PLEKHA3: variants seen among roughly 807,000 people sequenced by gnomAD.
PLEKHA3 encodes the protein pleckstrin homology domain containing A3.
In PLEKHA3, 19 loss-of-function variants were observed where a neutral mutation model predicts 39.2. That is an observed-to-expected ratio of 0.48 (90% CI 0.34 to 0.71). PLEKHA3 has a LOEUF of 0.71. Ranked by LOEUF, PLEKHA3 falls within the 30% of genes least tolerant of loss-of-function variation. PLEKHA3 has a pLI of 0.01. For missense variants in PLEKHA3, 253 were observed against 359.5 expected (o/e 0.70, Z 2.40); for synonymous variants, 97 against 118.6 (o/e 0.82, Z 1.18).
chr2:178,485,498 G>T (rs375549538), intron 1 of PLEKHA3, 143 bp from the exon 2 acceptor site: 97 of 656,638 alleles, frequency 1.5e-4, no homozygotes, highest in East Asian at 8.4e-4. Context: ...TTTTGGTAAG[G>T]CTTGGTGATT....
chr2:178,485,104 G>GAATA (rs1685228165), intron 1 of PLEKHA3, among the ~76,000 whole-genome samples: 1 of 152,218 alleles, frequency 6.6e-6, no homozygotes, highest in Non-Finnish European at 1.5e-5. Flanking sequence ...GCACATTGCA[G>GAATA]AATTAGAGGG....
Position 178,506,738 on chromosome 2 carries a change from G to A in PLEKHA3, c.*2851G>A, listed in dbSNP as rs1489334355. On this transcript the variant is annotated 3_prime_UTR_variant, in exon 8 of 8. Coordinates refer to ENST00000234453, the MANE Select transcript of PLEKHA3 (RefSeq NM_019091.4). ...AGGCACCTCTAGGTCTGTACTTTGAGCCTTGATCTGGGTACTTGGTACAGA... is the reference window on the plus strand; with the variant it reads ...AGGCACCTCTAGGTCTGTACTTTGAACCTTGATCTGGGTACTTGGTACAGA... The A allele has an allele frequency of 6.6e-6, 1 of 152,178 alleles. No homozygotes were observed. Among genetic ancestry groups the A allele is most frequent in the Non-Finnish European group, 1.5e-5 (1 of 68,032 alleles). The allele number at this position is 152,178 out of a possible 1,614,324, so 9.4% of individuals were successfully genotyped here.
intron 3 of PLEKHA3, among the ~76,000 whole-genome samples, chr2:178,492,240 A>G (rs1685359073): frequency 6.6e-6 from 1 of 152,194 alleles, no homozygotes; most frequent in African/African-American, 2.4e-5. Context: ...TGAATTTATA[A>G]CAATTTTGAA....
At chr2:178,491,315 C>T (rs1243386294) in intron 3 of PLEKHA3, among the ~76,000 whole-genome samples, 3 of 152,120 alleles carry the variant, frequency 2.0e-5, no homozygotes, top group Non-Finnish European at 4.4e-5. Flanking sequence ...CCAGCCTAAA[C>T]TCGTGCTTTC....
At position 178,509,668 on chromosome 2, in the gene PLEKHA3, AG is replaced by A. The variant is rs1489870392; in HGVS notation, c.*5784del. 3 of 151,924 alleles carry A rather than the reference AG, an allele frequency of 2.0e-5. No individual in the cohort carries two copies. The highest frequency in any genetic ancestry group is 6.6e-5 in the Admixed American group (1 of 15,226). 9.4% of individuals were successfully genotyped at this position (151,924 alleles called of 1,614,324 possible). A position where few individuals can be genotyped will look rare whatever the true frequency, so the allele number is the denominator to read the frequency against. ...AATTTTTGTATTTTTTTGTAGCAGC[AG>A]GGTTTTGCCATGCTGTTCAGACTGA... On this transcript the variant is annotated 3_prime_UTR_variant, in exon 8 of 8. Coordinates refer to ENST00000234453, the MANE Select transcript of PLEKHA3 (RefSeq NM_019091.4).
intron 5 of PLEKHA3, among the ~76,000 whole-genome samples, chr2:178,497,540 A>AT (rs1685467812): frequency 6.6e-6 from 1 of 152,078 alleles, no homozygotes; most frequent in South Asian, 2.1e-4. Context: ...CATTTTATGT[A>AT]TTTTTTAATA....
chr2:178,494,121 A>G, intron 4 of PLEKHA3, 132 bp downstream of exon 4: 1 of 952,896 alleles, frequency 1.0e-6, no homozygotes, highest in South Asian at 2.0e-5. Context: ...TGCCTACTGT[A>G]TACTATCTGG....
chr2:178,485,050 T>C (rs999499187), intron 1 of PLEKHA3, among the ~76,000 whole-genome samples: 7 of 152,218 alleles, frequency 4.6e-5, no homozygotes, highest in Non-Finnish European at 8.8e-5. Context: ...TTAGCACTCA[T>C]TGTGTTTAAG....
chr2:178,495,398 T>C (rs887854589), intron 4 of PLEKHA3, 98 bp from the exon 5 acceptor site: 1 of 1,124,416 alleles, frequency 8.9e-7, no homozygotes. Flanking sequence ...AACATAGTAA[T>C]GTGTCTGTTG....
At position 178,480,811 on chromosome 2, in the gene PLEKHA3, T is replaced by C. The variant is rs1685146934; in HGVS notation, c.-59T>C. 3.8e-6 allele frequency: 5 copies of C among 1,300,090 alleles called. No individual in the cohort carries two copies. The highest frequency in any genetic ancestry group is 4.1e-4 in the Middle Eastern group (2 of 4,912). The allele number at this position is 1,300,090 out of a possible 1,614,324, so 80.5% of individuals were successfully genotyped here. ...GAGGGGCTGCCCCAGGCCCTGCGCC[T>C]ACCCCATCACCGCGGCCGGCGCCGG... is the stretch of plus-strand genomic sequence containing the variant. On this transcript the variant is annotated 5_prime_UTR_variant, in exon 1 of 8. Transcript: ENST00000234453.
rs1312310323 is a variant in PLEKHA3, at chr2:178,506,334, ATTC to A, written c.*2450_*2452del. ...TTTTCATTTCAAGTGCTTGCTCACT[ATTC>A]TTTGGGAATCGCAGGCCTCCATGAC... On this transcript the variant is annotated 3_prime_UTR_variant, in exon 8 of 8. Coordinates refer to ENST00000234453, the MANE Select transcript of PLEKHA3 (RefSeq NM_019091.4). 2 of 152,112 alleles carry A rather than the reference ATTC, an allele frequency of 1.3e-5. No homozygotes were observed. The highest frequency in any genetic ancestry group is 2.9e-5 in the Non-Finnish European group (2 of 68,006). 9.4% of individuals were successfully genotyped at this position (152,112 alleles called of 1,614,324 possible).
intron 3 of PLEKHA3, among the ~76,000 whole-genome samples, chr2:178,492,241 C>T (rs1317432816): frequency 6.6e-6 from 1 of 151,540 alleles, no homozygotes; most frequent in East Asian, 1.9e-4. Context: ...GAATTTATAA[C>T]AATTTTGAAA....
chr2:178,486,349 GA>G (rs1685250298), intron 2 of PLEKHA3, among the ~76,000 whole-genome samples: 1 of 152,110 alleles, frequency 6.6e-6, no homozygotes, highest in Non-Finnish European at 1.5e-5. Flanking sequence ...GGGTGGAGGC[GA>G]AATCAGATAA....
At chr2:178,492,811 C>T (rs950608382) in intron 3 of PLEKHA3, among the ~76,000 whole-genome samples, 8 of 151,966 alleles carry the variant, frequency 5.3e-5, no homozygotes, top group Admixed American at 2.6e-4. Flanking sequence ...AAGATGAAGA[C>T]GTTCTGGAGA....
rs780594599 is a variant in PLEKHA3, at chr2:178,510,622, C to T, written c.*6735C>T. The T allele has an allele frequency of 6.5e-6, 1 of 153,774 alleles. No homozygotes were observed. Among genetic ancestry groups the T allele is most frequent in the Non-Finnish European group, 1.5e-5 (1 of 68,060 alleles). The allele number at this position is 153,774 out of a possible 1,614,324, so 9.5% of individuals were successfully genotyped here. On this transcript the variant is annotated 3_prime_UTR_variant, in exon 8 of 8. Coordinates refer to ENST00000234453, the MANE Select transcript of PLEKHA3 (RefSeq NM_019091.4). ...TCTTCTGCCAAATGTCTCTCCCTTC[C>T]AAAGGACGTAGTGCTCTACATAGTG...
At chr2:178,485,103 A>T (rs1685228105) in intron 1 of PLEKHA3, among the ~76,000 whole-genome samples, 1 of 152,250 alleles carries the variant, frequency 6.6e-6, no homozygotes, top group South Asian at 2.1e-4. Flanking sequence ...GGCACATTGC[A>T]GAATTAGAGG....
Position 178,515,987 on chromosome 2 carries a change from T to A in PLEKHA3, c.*12100T>A, listed in dbSNP as rs948075568. 3 of 151,784 alleles carry A rather than the reference T, an allele frequency of 2.0e-5. No individual in the cohort carries two copies. Among genetic ancestry groups the A allele is most frequent in the African/African-American group, 7.2e-5 (3 of 41,390 alleles). The allele number at this position is 151,784 out of a possible 1,614,324, so 9.4% of individuals were successfully genotyped here. ...TTGTTAGAAACATAAGCACATGAAT[T>A]TTTTTGGCCTTTTAAATGTCTTTAT... On this transcript the variant is annotated 3_prime_UTR_variant, in exon 8 of 8. Coordinates refer to ENST00000234453, the MANE Select transcript of PLEKHA3 (RefSeq NM_019091.4).
Position 178,507,987 on chromosome 2 carries a change from A to G in PLEKHA3, c.*4100A>G. The stretch of plus-strand genomic sequence containing the variant: ...ATAATATGTGGGTCTTTATTCATTC[A>G]TCTTGATGGCTACTTGACTTGGTGG... On this transcript the variant is annotated 3_prime_UTR_variant, in exon 8 of 8. Coordinates refer to ENST00000234453, the MANE Select transcript of PLEKHA3 (RefSeq NM_019091.4). The G allele has an allele frequency of 6.5e-6, 1 of 152,736 alleles. No homozygotes were observed. Among genetic ancestry groups the G allele is most frequent in the South Asian group, 2.1e-4 (1 of 4,796 alleles). The allele number at this position is 152,736 out of a possible 1,614,324, so 9.5% of individuals were successfully genotyped here.
chr2:178,482,838 A>G (rs1410292694), intron 1 of PLEKHA3, among the ~76,000 whole-genome samples: 1 of 152,214 alleles, frequency 6.6e-6, no homozygotes, highest in Non-Finnish European at 1.5e-5. Context: ...TTGAAAAGAA[A>G]TCTTTTGTTT....
Sources: gnomAD v4.1 joint callset for allele counts (sites outside exome capture counted in the v4.1 genomes callset) on GRCh38, gnomAD v4.1.1 for gene constraint, MANE v1.5 for transcripts, NCBI Gene and HGNC (gene_info 2026-07-23, HGNC 2026-07-21) for gene names.